Variants in SH3RF3 observed in about 807,000 individuals in gnomAD.
The protein encoded by SH3RF3 is E3 ubiquitin-protein ligase SH3RF3.
SH3RF3 carries 29 observed loss-of-function variants against 66.3 expected under a neutral mutation model. That is an observed-to-expected ratio of 0.44 (90% CI 0.33 to 0.60). SH3RF3 has a LOEUF of 0.60. Ranked by LOEUF, SH3RF3 falls within the 20% of genes least tolerant of loss-of-function variation. The pLI, the probability that SH3RF3 is intolerant of heterozygous loss-of-function variation, is 0.04. For synonymous variants in SH3RF3, 583 were observed against 532.0 expected (o/e 1.10, Z -1.32); for missense variants, 1,194 against 1,190.9 (o/e 1.00, Z -0.04).
At position 109,480,437 on chromosome 2, in the gene SH3RF3, AAAAG is replaced by A. The variant is rs1218269959; in HGVS notation, c.2149-10166_2149-10163del. Among the ~76,000 whole-genome samples the A allele has an allele frequency of 9.8e-5, 15 of 152,324 alleles. No homozygotes were observed. The East Asian group carries it at 2.9e-3, about 29-fold the overall frequency. On this transcript the variant is annotated intron_variant, in intron 8 of 9. Transcript: ENST00000309415. ...AGCTAAGATGGCCATGAGGCTGAGA[AAAAG>A]AGAGTAATAAGGAGAGGAGTCCAGA... is the stretch of plus-strand genomic sequence containing the variant.
chr2:109,334,506 G>A (rs2105501670), intron 1 of SH3RF3, among the ~76,000 whole-genome samples: 1 of 152,278 alleles, frequency 6.6e-6, no homozygotes, highest in Non-Finnish European at 1.5e-5. Context: ...GCACAGACTG[G>A]CTTGGCTAAA....
rs759544413 is a variant in SH3RF3, at chr2:109,436,985, G to A, written c.1667G>A (p.Ser556Asn). Reference protein sequence around the residue: ...KGITTTMHPGSGSLSSLATAT... With the variant: ...KGITTTMHPGNGSLSSLATAT... ...ATAACCACAACCATGCACCCAGGCA[G>A]TGGGAGTCTGAGCAGCCTGGCCACT... Residue 556 changes from serine (S) to asparagine (N), a missense_variant, in exon 7 of 10, where the codon AGT becomes AAT. Coordinates refer to ENST00000309415, the MANE Select transcript of SH3RF3 (RefSeq NM_001099289.3). 62 of 1,613,762 alleles carry A rather than the reference G, an allele frequency of 3.8e-5. No individual in the cohort carries two copies. The highest frequency in any genetic ancestry group is 4.5e-5 in the Non-Finnish European group (53 of 1,179,900).
At chr2:109,295,162 A>G (rs947969107) in intron 1 of SH3RF3, among the ~76,000 whole-genome samples, 1 of 152,240 alleles carries the variant, frequency 6.6e-6, no homozygotes, top group African/African-American at 2.4e-5. Flanking sequence ...CCTGGCCTGC[A>G]GGTGCCTGCC....
chr2:109,250,528 G>C (rs1033327527), intron 1 of SH3RF3, among the ~76,000 whole-genome samples: 41 of 151,720 alleles, frequency 2.7e-4, no homozygotes, highest in African/African-American at 9.7e-4. Flanking sequence ...GATTTTAAAG[G>C]ATCTAGAATT....
chr2:109,320,202 C>T (rs111283330), intron 1 of SH3RF3, among the ~76,000 whole-genome samples: 13 of 152,250 alleles, frequency 8.5e-5, no homozygotes, highest in African/African-American at 2.9e-4. Flanking sequence ...TGCCTCTGCT[C>T]GGCTCATTGA....
chr2:109,242,782 G>T (rs1679818242), intron 1 of SH3RF3, among the ~76,000 whole-genome samples: 1 of 152,194 alleles, frequency 6.6e-6, no homozygotes, highest in African/African-American at 2.4e-5. Flanking sequence ...TCAGGCTGGG[G>T]TGTGGCAAGT....
intron 1 of SH3RF3, among the ~76,000 whole-genome samples, chr2:109,228,075 T>C (rs933793311): frequency 6.6e-6 from 1 of 152,124 alleles, no homozygotes; most frequent in Non-Finnish European, 1.5e-5. Flanking sequence ...GAGTGTCTGG[T>C]TTGGTACTTT....
At chr2:109,241,826 T>C (rs763158136) in intron 1 of SH3RF3, among the ~76,000 whole-genome samples, 20 of 150,956 alleles carry the variant, frequency 1.3e-4, no homozygotes, top group Admixed American at 2.6e-4. Flanking sequence ...AGTGCAGTGG[T>C]GCGATCTCGG....
chr2:109,350,571 T>A (rs112431173), intron 2 of SH3RF3, among the ~76,000 whole-genome samples: 1 of 152,220 alleles, frequency 6.6e-6, no homozygotes, highest in Non-Finnish European at 1.5e-5. Flanking sequence ...TGTTCTGTCC[T>A]GTTGCATCTC....
chr2:109,147,355 G>T (rs1047360031), intron 1 of SH3RF3, among the ~76,000 whole-genome samples: 3 of 152,170 alleles, frequency 2.0e-5, no homozygotes, highest in African/African-American at 2.4e-5. Flanking sequence ...CTATCTCTGC[G>T]CTGATAAGCA....
At chr2:109,287,388 A>G (rs1681051691) in intron 1 of SH3RF3, among the ~76,000 whole-genome samples, 1 of 152,036 alleles carries the variant, frequency 6.6e-6, no homozygotes, top group African/African-American at 2.4e-5. Context: ...ATAAATTGAC[A>G]TGTTTATCTG....
At chr2:109,150,127 G>A (rs1677196621) in intron 1 of SH3RF3, among the ~76,000 whole-genome samples, 1 of 152,166 alleles carries the variant, frequency 6.6e-6, no homozygotes, top group Admixed American at 6.5e-5. Flanking sequence ...GCCAACAAAA[G>A]GTGGTGTAGA....
intron 9 of SH3RF3, among the ~76,000 whole-genome samples, chr2:109,501,269 C>G (rs1024078041): frequency 6.6e-6 from 1 of 151,948 alleles, no homozygotes; most frequent in African/African-American, 2.4e-5. Context: ...CCAGCTTCTT[C>G]GTAGATCAGC....
chr2:109,164,327 C>A (rs1036407534), intron 1 of SH3RF3, among the ~76,000 whole-genome samples: 16 of 152,158 alleles, frequency 1.1e-4, no homozygotes, highest in African/African-American at 3.9e-4. Context: ...AGGACTACAG[C>A]ACAGGCTGCA....
intron 1 of SH3RF3, among the ~76,000 whole-genome samples, chr2:109,215,686 G>T (rs1679088285): frequency 6.6e-6 from 1 of 152,126 alleles, no homozygotes; most frequent in Non-Finnish European, 1.5e-5. Flanking sequence ...GCTGCTTCTG[G>T]AATCCTACAC....
intron 1 of SH3RF3, among the ~76,000 whole-genome samples, chr2:109,269,224 T>A (rs557961129): frequency 6.6e-6 from 1 of 152,222 alleles, no homozygotes; most frequent in Non-Finnish European, 1.5e-5. Context: ...GCTACTGTGA[T>A]AGAGCCAGAT....
rs72627485 is a variant in SH3RF3 at position 109,501,728 on chromosome 2, C to T, written c.*57C>T. On this transcript the variant is annotated 3_prime_UTR_variant, in exon 10 of 10. Coordinates refer to ENST00000309415, the MANE Select transcript of SH3RF3 (RefSeq NM_001099289.3). ...GGGGGAGGCCGCCTGGGAAGCTCCA[C>T]GGCACACAGAGAGGGAGCCATGGCG... 0.055 allele frequency: 38,914 copies of T among 703,838 alleles called. 1,517 individuals carry two copies. Among genetic ancestry groups the T allele is most frequent in the East Asian group, 0.17 (6,269 of 37,390 alleles). 43.6% of individuals were successfully genotyped at this position (703,838 alleles called of 1,614,324 possible). A position where few individuals can be genotyped will look rare whatever the true frequency, so the allele number is the denominator to read the frequency against.
At chr2:109,362,797 T>C (rs1464939038) in intron 2 of SH3RF3, among the ~76,000 whole-genome samples, 1 of 152,166 alleles carries the variant, frequency 6.6e-6, no homozygotes, top group African/African-American at 2.4e-5. Flanking sequence ...TCTTGGGGAA[T>C]TGACCCCTTC....
intron 8 of SH3RF3, among the ~76,000 whole-genome samples, chr2:109,476,423 C>G (rs1217248982): frequency 6.6e-6 from 1 of 152,130 alleles, no homozygotes; most frequent in Admixed American, 6.5e-5. Flanking sequence ...ACTGGGTAGC[C>G]CCAGGGGAGG....
Sources: gnomAD v4.1 joint callset for allele counts (sites outside exome capture counted in the v4.1 genomes callset) on GRCh38, gnomAD v4.1.1 for gene constraint, MANE v1.5 for transcripts, NCBI Gene and HGNC (gene_info 2026-07-23, HGNC 2026-07-21) for gene names.